SUPT3H: variants seen among roughly 807,000 people sequenced by gnomAD.
SUPT3H encodes the protein SPT3 homolog, SAGA and STAGA complex component, also known as transcription initiation protein SPT3 homolog.
Under a neutral mutation model 44.3 loss-of-function variants are expected in SUPT3H, and 44 were observed. That is an observed-to-expected ratio of 0.99 (90% CI 0.78 to 1.28). The LOEUF (loss-of-function observed/expected upper bound fraction) is 1.28, where lower values mean the gene tolerates loss of function less well. SUPT3H is among the 50% of genes most tolerant of loss of function. The probability of loss-of-function intolerance (pLI) is 0.00; values close to 1 mark genes in which losing one functional copy is unlikely to be tolerated. For missense variants in SUPT3H, 380 were observed against 387.1 expected, an observed-to-expected ratio of 0.98 and a Z score of 0.15; for synonymous variants, 124 against 125.6, an observed-to-expected ratio of 0.99 and a Z score of 0.09.
intron 3 of SUPT3H, among the ~76,000 whole-genome samples, chr6:45,038,526 A>G (rs1219625892): frequency 6.6e-6 from 1 of 152,174 alleles, no homozygotes; most frequent in Non-Finnish European, 1.5e-5. Context: ...CATCGTACCT[A>G]GAAACATTGA....
intron 10 of SUPT3H, among the ~76,000 whole-genome samples, chr6:44,830,156 CTGTT>C (rs1259038670): frequency 6.6e-6 from 1 of 152,174 alleles, no homozygotes; most frequent in African/African-American, 2.4e-5. Context: ...TGTATTGAAT[CTGTT>C]TGTCTTTTAT....
At chr6:45,198,482 T>C (rs1816455054) in intron 2 of SUPT3H, among the ~76,000 whole-genome samples, 1 of 151,282 alleles carries the variant, frequency 6.6e-6, no homozygotes. Context: ...TTTTCTTAAT[T>C]AACCATAAGA....
At chr6:45,063,725 T>C (rs1450429398) in intron 3 of SUPT3H, among the ~76,000 whole-genome samples, 1 of 106,180 alleles carries the variant, frequency 9.4e-6, no homozygotes, top group Non-Finnish European at 1.9e-5. Context: ...GAAGATGAAA[T>C]GAATGAAATG....
At chr6:44,854,168 C>A (rs1405989230) in intron 10 of SUPT3H, among the ~76,000 whole-genome samples, 1 of 151,876 alleles carries the variant, frequency 6.6e-6, no homozygotes, top group African/African-American at 2.4e-5. Context: ...GCACATAGAA[C>A]AAATTATAAA....
intron 3 of SUPT3H, among the ~76,000 whole-genome samples, chr6:45,024,348 T>C (rs1162307628): frequency 1.3e-5 from 2 of 152,162 alleles, no homozygotes; most frequent in Non-Finnish European, 2.9e-5. Context: ...TCTCACTGTA[T>C]TATATTTTCA....
In SUPT3H at chr6:45,230,662, C is replaced by CTATATATATATATATATATA. The variant is rs66480751; in HGVS notation, c.102-124676_102-124657dup. ...AAATCATGTTTTAAATTCATTCAGT[C>CTATATATATATATATATATA]TATATATATATATATATATATATAT... On this transcript the variant is annotated intron_variant, in intron 2 of 10. Transcript: ENST00000371459. Among the ~76,000 whole-genome samples, 25 of 68,738 alleles carry CTATATATATATATATATATA rather than the reference C, an allele frequency of 3.6e-4. 1 individual carries two copies. The highest frequency in any genetic ancestry group is 8.3e-4 in the African/African-American group (16 of 19,210). The allele number at this position is 68,738 out of a possible 152,430, so 45.1% of individuals were successfully genotyped here.
At chr6:44,921,251 G>A (rs1052171464) in intron 10 of SUPT3H, among the ~76,000 whole-genome samples, 1 of 152,146 alleles carries the variant, frequency 6.6e-6, no homozygotes, top group Admixed American at 6.5e-5. Flanking sequence ...GTACAGATAC[G>A]GATTCTTGTC....
intron 3 of SUPT3H, among the ~76,000 whole-genome samples, chr6:45,087,797 AT>A (rs1354794309): frequency 6.6e-6 from 1 of 151,926 alleles, no homozygotes; most frequent in Non-Finnish European, 1.5e-5. Flanking sequence ...CTATGTACTT[AT>A]GAAATCATGT....
rs544871282 is a variant in SUPT3H at position 45,127,133 on chromosome 6, G to T, written c.102-21127C>A. Among the ~76,000 whole-genome samples the T allele has an allele frequency of 6.6e-5, 10 of 152,252 alleles. No individual in the cohort carries two copies. The South Asian group carries it at 2.1e-3, about 32-fold the overall frequency. On this transcript the variant is annotated intron_variant, in intron 2 of 10. Coordinates refer to ENST00000371459, the MANE Select transcript of SUPT3H (RefSeq NM_003599.4). Reference sequence around the variant, plus strand: ...GTTCGAGACCAGCCTGACCAACATGGTGAAACCCCGTCTCCACTAAAAACA... The same window carrying T: ...GTTCGAGACCAGCCTGACCAACATGTTGAAACCCCGTCTCCACTAAAAACA...
intron 9 of SUPT3H, among the ~76,000 whole-genome samples, chr6:44,946,715 G>A (rs1773408379): frequency 6.6e-6 from 1 of 152,172 alleles, no homozygotes; most frequent in Non-Finnish European, 1.5e-5. Flanking sequence ...GTCTATATCT[G>A]TTGAAGATGC....
intron 6 of SUPT3H, among the ~76,000 whole-genome samples, chr6:44,967,471 T>C (rs1465663264): frequency 6.6e-6 from 1 of 152,234 alleles, no homozygotes; most frequent in Non-Finnish European, 1.5e-5. Context: ...AATCTGAATT[T>C]TCAGTGAAAA....
Position 44,950,469 on chromosome 6 carries a change from C to T in SUPT3H, c.801+2841G>A, listed in dbSNP as rs550900665. ...CTTCATAATGTATTTTAAAAAATAG[C>T]CGAGCATAGTGGTGTGCCTGTAGTC... is the stretch of plus-strand genomic sequence containing the variant. On this transcript the variant is annotated intron_variant, in intron 9 of 10. Coordinates refer to ENST00000371459, the MANE Select transcript of SUPT3H (RefSeq NM_003599.4). Among the ~76,000 whole-genome samples, 53 of 152,184 alleles carry T rather than the reference C, an allele frequency of 3.5e-4. 1 individual carries two copies. In the South Asian group the frequency reaches 0.01, roughly 30 times the overall value.
At position 45,065,219 on chromosome 6, in the gene SUPT3H, A is replaced by G. The variant is rs935181615; in HGVS notation, c.186+40703T>C. On this transcript the variant is annotated intron_variant, in intron 3 of 10. Coordinates refer to ENST00000371459, the MANE Select transcript of SUPT3H (RefSeq NM_003599.4). ...CTGCTCCTGAATGACTACTGGGTAC[A>G]TAACGAAATGAAGGCAGAAATAAAG... Among the ~76,000 whole-genome samples the G allele has an allele frequency of 5.7e-4, 82 of 144,280 alleles. 1 individual carries two copies. Among genetic ancestry groups the G allele is most frequent in the Non-Finnish European group, 1.0e-3 (65 of 65,034 alleles). The allele number at this position is 144,280 out of a possible 152,430, so 94.7% of individuals were successfully genotyped here.
intron 3 of SUPT3H, among the ~76,000 whole-genome samples, chr6:45,044,233 T>G (rs2153531894): frequency 6.6e-6 from 1 of 152,288 alleles, no homozygotes. Context: ...CTATGCACTT[T>G]TCACTGCAGG....
intron 2 of SUPT3H, among the ~76,000 whole-genome samples, chr6:45,231,324 CTTTA>C (rs1768006776): frequency 1.3e-5 from 2 of 152,150 alleles, no homozygotes; most frequent in African/African-American, 2.4e-5. Flanking sequence ...CTGGAAAAGA[CTTTA>C]TTTATCCTTC....
At chr6:45,168,233 G>A (rs1377554990) in intron 2 of SUPT3H, among the ~76,000 whole-genome samples, 4 of 152,078 alleles carry the variant, frequency 2.6e-5, no homozygotes, top group Admixed American at 1.3e-4. Flanking sequence ...TGCTTTCTAG[G>A]AATCTCACAA....
At chr6:45,204,250 A>AAATAAGAAGAAGAAGAAGAAGAAGAAG (rs1762861403) in intron 2 of SUPT3H, among the ~76,000 whole-genome samples, 1 of 143,052 alleles carries the variant, frequency 7.0e-6, no homozygotes, top group Non-Finnish European at 1.5e-5. Context: ...CCGTCTCAAA[A>AAATAAGAAGAAGAAGAAGAAGAAGAAG]AAGAAGAAGA....
At chr6:44,958,294 T>A (rs538198489) in intron 7 of SUPT3H, among the ~76,000 whole-genome samples, 1 of 152,268 alleles carries the variant, frequency 6.6e-6, no homozygotes, top group African/African-American at 2.4e-5. Context: ...CTAACAAAAT[T>A]TAAGTTTCTT....
intron 2 of SUPT3H, among the ~76,000 whole-genome samples, chr6:45,134,184 G>C (rs1803914173): frequency 6.6e-6 from 1 of 152,140 alleles, no homozygotes; most frequent in South Asian, 2.1e-4. Context: ...GGCAAAAGGT[G>C]AAAGGGCAAG....
Sources: gnomAD v4.1 joint callset for allele counts (sites outside exome capture counted in the v4.1 genomes callset) on GRCh38, gnomAD v4.1.1 for gene constraint, MANE v1.5 for transcripts, NCBI Gene and HGNC (gene_info 2026-07-23, HGNC 2026-07-21) for gene names.